Variants in PPM1L observed in about 807,000 individuals in gnomAD.
The protein encoded by PPM1L is protein phosphatase 1L.
Under a neutral mutation model 31.4 loss-of-function variants are expected in PPM1L, and 13 were observed. The ratio of observed to expected loss-of-function variants is 0.41; its 90% CI spans 0.27 to 0.66. The LOEUF (loss-of-function observed/expected upper bound fraction) is 0.66. Ranked by LOEUF, PPM1L falls within the 30% of genes least tolerant of loss-of-function variation. The probability of loss-of-function intolerance (pLI) is 0.29; values close to 1 mark genes in which losing one functional copy is unlikely to be tolerated. For missense variants in PPM1L, 326 were observed against 453.7 expected, an observed-to-expected ratio of 0.72 and a Z score of 2.56; for synonymous variants, 184 against 175.4, an observed-to-expected ratio of 1.05 and a Z score of -0.39.
chr3:160,881,403 T>C (rs1712707769), intron 1 of PPM1L, among the ~76,000 whole-genome samples: 1 of 152,238 alleles, frequency 6.6e-6, no homozygotes, highest in South Asian at 2.1e-4. Context: ...CAGTTTTTTC[T>C]AATTCAGCTT....
intron 2 of PPM1L, among the ~76,000 whole-genome samples, chr3:160,995,474 C>A (rs973215730): frequency 6.6e-6 from 1 of 152,046 alleles, no homozygotes; most frequent in Non-Finnish European, 1.5e-5. Context: ...GTGCCTGCCA[C>A]CACACCCAGC....
intron 1 of PPM1L, among the ~76,000 whole-genome samples, chr3:160,876,341 A>G (rs1048428140): frequency 2.0e-5 from 3 of 152,192 alleles, no homozygotes; most frequent in Admixed American, 6.5e-5. Context: ...TCTCCCTGCC[A>G]CACTTGTTAG....
rs1251820636 is a variant in PPM1L at position 161,073,028 on chromosome 3, A to G, written c.*3871A>G. The G allele has an allele frequency of 6.6e-6, 1 of 152,210 alleles. No homozygotes were observed. The highest frequency in any genetic ancestry group is 1.5e-5 in the Non-Finnish European group (1 of 68,034). The allele number at this position is 152,210 out of a possible 1,614,324, so 9.4% of individuals were successfully genotyped here. A position where few individuals can be genotyped will look rare whatever the true frequency, so the allele number is the denominator to read the frequency against. The stretch of plus-strand genomic sequence containing the variant: ...ATTGCCTCTGGATTAAGTCATTGAT[A>G]GCTAGACTTTTGAGCTAGTTAGCTG... On this transcript the variant is annotated 3_prime_UTR_variant, in exon 4 of 4. Transcript: ENST00000498165.
At chr3:160,765,126 G>C (rs773722525) in intron 1 of PPM1L, among the ~76,000 whole-genome samples, 1 of 152,188 alleles carries the variant, frequency 6.6e-6, no homozygotes, top group African/African-American at 2.4e-5. Context: ...TCTGATAAGA[G>C]TTTATGAGGT....
chr3:160,834,894 G>C (rs75940410), intron 1 of PPM1L, among the ~76,000 whole-genome samples: 4,847 of 152,108 alleles, frequency 0.032, 240 homozygotes, highest in African/African-American at 0.11. Context: ...CATGAACATT[G>C]ATGTGCAGGT....
chr3:160,957,356 A>G (rs1051855755), intron 1 of PPM1L, among the ~76,000 whole-genome samples: 6 of 152,186 alleles, frequency 3.9e-5, no homozygotes, highest in African/African-American at 7.2e-5. Flanking sequence ...TTGTGCTGCA[A>G]TGAGCATATG....
intron 1 of PPM1L, among the ~76,000 whole-genome samples, chr3:160,934,061 C>T (rs145432832): frequency 2.8e-3 from 422 of 152,288 alleles, no homozygotes; most frequent in Non-Finnish European, 4.9e-3. Flanking sequence ...GCACATTATT[C>T]ATTTTAGATG....
intron 1 of PPM1L, among the ~76,000 whole-genome samples, chr3:160,855,220 C>G (rs1047589649): frequency 6.6e-6 from 1 of 152,052 alleles, no homozygotes; most frequent in South Asian, 2.1e-4. Flanking sequence ...AGATAGAAAT[C>G]AACTCAATAT....
chr3:160,796,287 T>C (rs913522409), intron 1 of PPM1L, among the ~76,000 whole-genome samples: 4 of 152,200 alleles, frequency 2.6e-5, no homozygotes, highest in Admixed American at 1.3e-4. Flanking sequence ...AGGTTGCTTC[T>C]GCAGAGGGCT....
At chr3:160,760,711 GT>G (rs566966834) in intron 1 of PPM1L, among the ~76,000 whole-genome samples, 23 of 146,162 alleles carry the variant, frequency 1.6e-4, no homozygotes, top group African/African-American at 3.2e-4. Context: ...GCAAAAGGTG[GT>G]TTTTTTTTTG....
chr3:160,842,244 G>C (rs780601689), intron 1 of PPM1L: 2 of 702,334 alleles, frequency 2.8e-6, no homozygotes, highest in South Asian at 3.0e-5. Context: ...AGGGATGCTG[G>C]TGCCATTAGC....
chr3:160,882,283 T>C (rs1470633769), intron 1 of PPM1L: 1 of 152,206 alleles, frequency 6.6e-6, no homozygotes, highest in Admixed American at 6.5e-5. Flanking sequence ...TTCTGGATTA[T>C]CTAGAACCTT....
chr3:160,842,229 G>A (rs1435109975), intron 1 of PPM1L: 1 of 702,004 alleles, frequency 1.4e-6, no homozygotes, highest in Non-Finnish European at 2.6e-6. Flanking sequence ...GTGGAAGAGG[G>A]TAGGAGGGAT....
At chr3:160,818,212 A>C (rs762454096) in intron 1 of PPM1L, among the ~76,000 whole-genome samples, 3 of 152,016 alleles carry the variant, frequency 2.0e-5, no homozygotes, top group Non-Finnish European at 4.4e-5. Flanking sequence ...GCAGTATCGA[A>C]CACAAAAGAA....
chr3:160,922,058 C>G (rs748001154), intron 1 of PPM1L, among the ~76,000 whole-genome samples: 2 of 152,134 alleles, frequency 1.3e-5, no homozygotes, highest in Non-Finnish European at 1.5e-5. Flanking sequence ...CACCTGTAAT[C>G]CCAGCACTTT....
chr3:160,776,878 C>T (rs1560104350), intron 1 of PPM1L, among the ~76,000 whole-genome samples: 1 of 151,826 alleles, frequency 6.6e-6, no homozygotes, highest in African/African-American at 2.4e-5. Flanking sequence ...GGATTACAGG[C>T]GTGAGCCACC....
rs192746489 is a variant in PPM1L, at chr3:161,076,309, G to C, written c.*7152G>C. 1 of 152,260 alleles carries C rather than the reference G, an allele frequency of 6.6e-6. No homozygotes were observed. The highest frequency in any genetic ancestry group is 1.5e-5 in the Non-Finnish European group (1 of 68,034). 9.4% of individuals were successfully genotyped at this position (152,260 alleles called of 1,614,324 possible). On this transcript the variant is annotated 3_prime_UTR_variant, in exon 4 of 4. Transcript: ENST00000498165. Reference sequence around the variant, plus strand: ...GAAAACGTCTAAATCCTGCTCTGTGGAGAAAAGCTAGAACCATGGGACATT... The same window carrying C: ...GAAAACGTCTAAATCCTGCTCTGTGCAGAAAAGCTAGAACCATGGGACATT...
intron 1 of PPM1L, among the ~76,000 whole-genome samples, chr3:160,866,933 C>T (rs755870042): frequency 6.6e-6 from 1 of 152,142 alleles, no homozygotes; most frequent in South Asian, 2.1e-4. Context: ...CAGCCTTGAC[C>T]TCCTGGTCTC....
intron 2 of PPM1L, among the ~76,000 whole-genome samples, chr3:160,973,978 G>A (rs1002186203): frequency 2.0e-5 from 3 of 146,474 alleles, no homozygotes; most frequent in East Asian, 2.0e-4. Context: ...CCACTAACTC[G>A]TCATCTAGCA....
Sources: gnomAD v4.1 joint callset for allele counts (sites outside exome capture counted in the v4.1 genomes callset) on GRCh38, gnomAD v4.1.1 for gene constraint, MANE v1.5 for transcripts, NCBI Gene and HGNC (gene_info 2026-07-23, HGNC 2026-07-21) for gene names.